LENG8: variants seen among roughly 807,000 people sequenced by gnomAD.
The protein encoded by LENG8 is leukocyte receptor cluster (LRC) member 8.
A neutral mutation model predicts 102.1 loss-of-function variants in LENG8; 28 were observed. That is an observed-to-expected ratio of 0.27 (90% confidence interval 0.20 to 0.38). The LOEUF is 0.38. Among genes scored for constraint, LENG8 ranks in the 10% least tolerant of loss-of-function variants. The probability of loss-of-function intolerance (pLI) is 1.00; values close to 1 mark genes in which losing one functional copy is unlikely to be tolerated. For missense variants in LENG8, 1,022 were observed against 1,113.9 expected (o/e 0.92, Z 1.17); for synonymous variants, 531 against 456.7 (o/e 1.16, Z -2.07).
At chr19:54,456,593 C>T (rs747337369) in intron 10 of LENG8, 43 bp from the exon 11 acceptor site, 4 of 1,567,272 alleles carry the variant, frequency 2.6e-6, no homozygotes, top group Non-Finnish European at 3.5e-6. Flanking sequence ...TGAAGGGGGG[C>T]TGGAGACGCC....
At chr19:54,459,649 G>C (rs1246876589) in intron 15 of LENG8, 1 of 999,346 alleles carries the variant, frequency 1.0e-6, no homozygotes, top group Non-Finnish European at 1.2e-6. Context: ...CTCCGTGTGA[G>C]GTCATGGTCA....
chr19:54,459,942 C>T (rs750615717), intron 15 of LENG8: 47 of 1,204,964 alleles, frequency 3.9e-5, no homozygotes, highest in Non-Finnish European at 4.6e-5. Context: ...GGGCGAGTGT[C>T]CTTGTTAATT....
At chr19:54,457,235 TC>T (rs1180082654) in intron 11 of LENG8, among the ~76,000 whole-genome samples, 5 of 152,238 alleles carry the variant, frequency 3.3e-5, no homozygotes, top group Non-Finnish European at 7.3e-5. Context: ...GGGCTGTGTT[TC>T]CAGTGTTTGG....
Position 54,456,670 on chromosome 19 carries a change from A to G in LENG8, c.1480A>G (p.Lys494Glu). Residue 494 changes from lysine to glutamate, a missense_variant, in exon 11 of 16, where the codon AAG becomes GAG. Coordinates refer to ENST00000326764, the MANE Select transcript of LENG8 (RefSeq NM_052925.4). ...GGCGCCCACCAAGCGCAGTCGAAAG[A>G]AGATGGCGGCGCTGGAGTGTGAGGA... ...DLAPTKRSRK[K>E]MAALECEDPE... The G allele has an allele frequency of 6.2e-7, 1 of 1,613,090 alleles. No homozygotes were observed. The highest frequency in any genetic ancestry group is 8.5e-7 in the Non-Finnish European group (1 of 1,179,672).
chr19:54,453,788 A>G, intron 5 of LENG8, 132 bp downstream of exon 5: 1 of 662,908 alleles, frequency 1.5e-6, no homozygotes, highest in Non-Finnish European at 2.6e-6. Flanking sequence ...TGATCTGAAA[A>G]TGAGGAGGAC....
intron 15 of LENG8, chr19:54,459,697 G>T (rs1569307532): frequency 9.7e-7 from 1 of 1,025,708 alleles, no homozygotes; most frequent in Non-Finnish European, 1.2e-6. Flanking sequence ...TGTCAGCCTG[G>T]AGGTTTGGAG....
chr19:54,461,963 T>C lies in LENG8; in HGVS notation c.*1035T>C. 9.2e-7 allele frequency: 1 copy of C among 1,087,562 alleles called. No individual in the cohort carries two copies. The highest frequency in any genetic ancestry group is 1.3e-5 in the South Asian group (1 of 75,778). 67.4% of individuals were successfully genotyped at this position (1,087,562 alleles called of 1,614,324 possible). On this transcript the variant is annotated 3_prime_UTR_variant, in exon 16 of 16. Coordinates refer to ENST00000326764, the MANE Select transcript of LENG8 (RefSeq NM_052925.4). Reference sequence around the variant, plus strand: ...TCCTTCCTTCCTTTCCTTGGAGCACTGAGCACCATTTGGAAGCTTGAGAGA... The same window carrying C: ...TCCTTCCTTCCTTTCCTTGGAGCACCGAGCACCATTTGGAAGCTTGAGAGA...
At position 54,461,697 on chromosome 19, in the gene LENG8, C is replaced by G. The variant is rs1237512465; in HGVS notation, c.*769C>G. The G allele has an allele frequency of 2.0e-6, 1 of 490,738 alleles. No homozygotes were observed. The highest frequency in any genetic ancestry group is 4.2e-6 in the Non-Finnish European group (1 of 240,776). 30.4% of individuals were successfully genotyped at this position (490,738 alleles called of 1,614,324 possible). A position where few individuals can be genotyped will look rare whatever the true frequency, so the allele number is the denominator to read the frequency against. On this transcript the variant is annotated 3_prime_UTR_variant, in exon 16 of 16. Transcript: ENST00000326764. ...AGCACAGGTAAAACGGTTCCCCTCCCTCCCTGCCTTCATGGATCACCAGCT... is the reference window on the plus strand; with the variant it reads ...AGCACAGGTAAAACGGTTCCCCTCCGTCCCTGCCTTCATGGATCACCAGCT...
chr19:54,457,448 C>G (rs1227054208), intron 11 of LENG8, among the ~76,000 whole-genome samples: 1 of 152,218 alleles, frequency 6.6e-6, no homozygotes, highest in Non-Finnish European at 1.5e-5. Flanking sequence ...TCAAGCGATT[C>G]TCCTGCCTCA....
At chr19:54,451,735 C>G (rs2083970728) in intron 2 of LENG8, among the ~76,000 whole-genome samples, 1 of 152,118 alleles carries the variant, frequency 6.6e-6, no homozygotes, top group Admixed American at 6.5e-5. Flanking sequence ...GTGTGATAAC[C>G]TGCCGACTGG....
In LENG8 at chr19:54,455,070, C is replaced by A. The variant is rs144889716; in HGVS notation, c.799C>A (p.Pro267Thr). The change falls in exon 7 of 16, where the codon CCT (proline) becomes ACT (threonine). Residue 267 changes from proline to threonine, a missense_variant. Coordinates refer to ENST00000326764, the MANE Select transcript of LENG8 (RefSeq NM_052925.4). ...CAGTGGTTTTGGCCCCCAGCCCAACCCTGAGAAAGTTCAGAACCACAGGTG... is the reference window on the plus strand; with the variant it reads ...CAGTGGTTTTGGCCCCCAGCCCAACACTGAGAAAGTTCAGAACCACAGGTG... ...QHSGFGPQPN[P>T]EKVQNHSGSS... is the part of the protein sequence containing the mutation. The A allele has an allele frequency of 8.9e-5, 143 of 1,614,234 alleles. No homozygotes were observed. The African/African-American group carries it at 1.7e-3, about 20-fold the overall frequency.
At chr19:54,460,562 G>A (rs2084480637) in intron 15 of LENG8, 2 of 1,414,828 alleles carry the variant, frequency 1.4e-6, no homozygotes, top group African/African-American at 1.5e-5. Context: ...GGGTGAGGGG[G>A]GCACAGGGGA....
rs553352079 is a variant in LENG8 at position 54,461,277 on chromosome 19, C to G, written c.*349C>G. ...TGCACTCCGGTACCCGACCCGGCGC[C>G]CTGGCCCATCCCATGCCGGGGGGCC... On this transcript the variant is annotated 3_prime_UTR_variant, in exon 16 of 16. Coordinates refer to ENST00000326764, the MANE Select transcript of LENG8 (RefSeq NM_052925.4). The G allele has an allele frequency of 1.7e-3, 843 of 483,034 alleles. 1 individual carries two copies. The highest frequency in any genetic ancestry group is 2.7e-3 in the Non-Finnish European group (669 of 247,580). The allele number at this position is 483,034 out of a possible 1,614,324, so 29.9% of individuals were successfully genotyped here. A position where few individuals can be genotyped will look rare whatever the true frequency, so the allele number is the denominator to read the frequency against.
At chr19:54,450,168 C>CT (rs1305152835) in intron 1 of LENG8, among the ~76,000 whole-genome samples, 6 of 152,174 alleles carry the variant, frequency 3.9e-5, no homozygotes, top group Non-Finnish European at 7.3e-5. Flanking sequence ...ATTCCCAAAG[C>CT]TTTATGTCCA....
intron 1 of LENG8, among the ~76,000 whole-genome samples, chr19:54,450,414 C>A (rs922667445): frequency 6.6e-6 from 1 of 152,184 alleles, no homozygotes; most frequent in Non-Finnish European, 1.5e-5. Context: ...GGGTTAACTT[C>A]CGGAAAATCC....
intron 15 of LENG8, 48 bp downstream of exon 15, chr19:54,458,569 G>T (rs138382224): frequency 6.2e-7 from 1 of 1,609,834 alleles, no homozygotes; most frequent in Non-Finnish European, 8.5e-7. Flanking sequence ...CCATCCTTCC[G>T]CCTCGCACCG....
At chr19:54,460,175 G>T (rs552109938) in intron 15 of LENG8, 6 of 1,289,870 alleles carry the variant, frequency 4.7e-6, no homozygotes, top group Non-Finnish European at 6.1e-6. Flanking sequence ...CCCCTCACTC[G>T]GTGCCTGGGT....
At position 54,455,676 on chromosome 19, in the gene LENG8, A is replaced by G. The variant is rs2084192707; in HGVS notation, c.1025+109A>G. ...CCAGGTACCAGGAGCTCCAAAGAGA[A>G]ATGAACTGGAAAGTTGGATCCTGGG... On this transcript the variant is annotated intron_variant, in intron 8 of 15. Coordinates refer to ENST00000326764, the MANE Select transcript of LENG8 (RefSeq NM_052925.4). The G allele has an allele frequency of 2.7e-6, 3 of 1,092,932 alleles. No homozygotes were observed. The African/African-American group carries it at 4.7e-5, about 17-fold the overall frequency. 67.7% of individuals were successfully genotyped at this position (1,092,932 alleles called of 1,614,324 possible). A position where few individuals can be genotyped will look rare whatever the true frequency, so the allele number is the denominator to read the frequency against.
chr19:54,457,569 G>T (rs1318261687), intron 11 of LENG8, among the ~76,000 whole-genome samples, 178 bp from the exon 12 acceptor site: 1 of 152,026 alleles, frequency 6.6e-6, no homozygotes, highest in Non-Finnish European at 1.5e-5. Context: ...TCAAACTCCT[G>T]ACCTCAGATG....
Sources: gnomAD v4.1 joint callset for allele counts (sites outside exome capture counted in the v4.1 genomes callset) on GRCh38, gnomAD v4.1.1 for gene constraint, MANE v1.5 for transcripts, NCBI Gene and HGNC (gene_info 2026-07-23, HGNC 2026-07-21) for gene names.